Variants in CYP4Z1 observed in about 807,000 individuals in gnomAD.
The protein encoded by CYP4Z1 is cytochrome P450 family 4 subfamily Z member 1.
CYP4Z1 carries 41 observed loss-of-function variants against 54.2 expected under a neutral mutation model. That is an observed-to-expected ratio of 0.76 (90% confidence interval 0.59 to 0.98). The LOEUF (loss-of-function observed/expected upper bound fraction) is 0.98. CYP4Z1 is among the 50% of genes least tolerant of loss of function. The pLI, the probability that CYP4Z1 is intolerant of heterozygous loss-of-function variation, is 0.00. For missense variants in CYP4Z1, 513 were observed against 599.0 expected, an observed-to-expected ratio of 0.86 and a Z score of 1.50; for synonymous variants, 163 against 206.2, an observed-to-expected ratio of 0.79 and a Z score of 1.79.
intron 9 of CYP4Z1, among the ~76,000 whole-genome samples, chr1:47,109,228 A>G (rs1644776833): frequency 6.6e-6 from 1 of 152,248 alleles, no homozygotes; most frequent in Non-Finnish European, 1.5e-5. Flanking sequence ...AGAGAGAGAG[A>G]TTTTAATGAA....
At chr1:47,088,031 C>A (rs1339104500) in intron 6 of CYP4Z1, among the ~76,000 whole-genome samples, 2 of 152,158 alleles carry the variant, frequency 1.3e-5, no homozygotes, top group African/African-American at 2.4e-5. Flanking sequence ...AGCCTTGCAT[C>A]CCAGGGATGA....
upstream of CYP4Z1, among the ~76,000 whole-genome samples, chr1:47,065,938 G>A (rs752122205): frequency 6.6e-6 from 1 of 151,978 alleles, no homozygotes; most frequent in Non-Finnish European, 1.5e-5. Flanking sequence ...AGAGGAGATG[G>A]ATAAATTCCT....
chr1:47,076,690 A>T (rs1644524532), intron 2 of CYP4Z1, among the ~76,000 whole-genome samples: 1 of 150,822 alleles, frequency 6.6e-6, no homozygotes, highest in South Asian at 2.1e-4. Context: ...CTAAAAATAC[A>T]AAAAATTAGC....
chr1:47,097,699 T>A (rs191540351), intron 7 of CYP4Z1, among the ~76,000 whole-genome samples: 5 of 152,292 alleles, frequency 3.3e-5, no homozygotes, highest in African/African-American at 1.2e-4. Flanking sequence ...CATGCTTTTT[T>A]AGTTACTGTA....
intron 9 of CYP4Z1, among the ~76,000 whole-genome samples, chr1:47,107,717 T>A (rs891125975): frequency 5.9e-5 from 9 of 152,084 alleles, no homozygotes; most frequent in African/African-American, 2.2e-4. Flanking sequence ...CCATTCTAGA[T>A]CACCTAAGCC....
intron 2 of CYP4Z1, among the ~76,000 whole-genome samples, chr1:47,072,595 T>C (rs1162758861): frequency 1.6e-5 from 1 of 62,846 alleles, no homozygotes; most frequent in Admixed American, 1.8e-4. Flanking sequence ...ATTTTTGACA[T>C]GGGGGTATCA....
chr1:47,109,912 G>T (rs1246185046), intron 9 of CYP4Z1, among the ~76,000 whole-genome samples: 12 of 151,048 alleles, frequency 7.9e-5, no homozygotes, highest in Admixed American at 5.3e-4. Flanking sequence ...CAAAAGTTAT[G>T]AATTCTATTT....
rs538275987 is a variant in CYP4Z1 at position 47,089,240 on chromosome 1, G to GA, written c.772+4266dup. On this transcript the variant is annotated intron_variant, in intron 6 of 11. Coordinates refer to ENST00000334194, the MANE Select transcript of CYP4Z1 (RefSeq NM_178134.3). ...ATGTAATTACATTAAATACTTCCCT[G>GA]AAAATGCAAGGATCTTACACCATTT... Among the ~76,000 whole-genome samples the GA allele has an allele frequency of 1.5e-4, 23 of 152,168 alleles. 1 individual carries two copies. The South Asian group carries it at 4.6e-3, about 30-fold the overall frequency.
intron 6 of CYP4Z1, among the ~76,000 whole-genome samples, chr1:47,088,948 T>C (rs1007957534): frequency 1.3e-5 from 2 of 149,098 alleles, no homozygotes; most frequent in African/African-American, 5.1e-5. Context: ...ATGCAGCATT[T>C]ATTTAGATTT....
At chr1:47,079,080 T>G (rs1166894070) in intron 2 of CYP4Z1, among the ~76,000 whole-genome samples, 1 of 152,008 alleles carries the variant, frequency 6.6e-6, no homozygotes, top group Non-Finnish European at 1.5e-5. Flanking sequence ...CTGAGTTAGG[T>G]AAAACATAGG....
intron 7 of CYP4Z1, 99 bp from the exon 8 acceptor site, chr1:47,098,995 A>C: frequency 7.0e-7 from 1 of 1,418,858 alleles, no homozygotes; most frequent in Non-Finnish European, 9.8e-7. Flanking sequence ...TTAATTTTGA[A>C]TTTTACAACA....
intron 2 of CYP4Z1, among the ~76,000 whole-genome samples, chr1:47,076,844 C>CAAAAAAAAAAAAAAAAAAAAAA (rs59854360): frequency 8.5e-4 from 69 of 81,388 alleles, no homozygotes; most frequent in Non-Finnish European, 1.2e-3. Flanking sequence ...GACGCTGTCT[C>CAAAAAAAAAAAAAAAAAAAAAA]AAAAAAAAAA....
At chr1:47,099,784 G>C (rs1401319396) in intron 8 of CYP4Z1, among the ~76,000 whole-genome samples, 4 of 152,128 alleles carry the variant, frequency 2.6e-5, no homozygotes, top group African/African-American at 9.7e-5. Context: ...ATTTCATGGT[G>C]TTAATAAAAC....
At chr1:47,082,267 T>C in intron 3 of CYP4Z1, 67 bp from the exon 4 acceptor site, 1 of 1,540,478 alleles carries the variant, frequency 6.5e-7, no homozygotes, top group Non-Finnish European at 8.7e-7. Flanking sequence ...AATTGCTCAC[T>C]GCGTGCCTAG....
At chr1:47,060,767 C>T in the CYP4Z1 span, among the ~76,000 whole-genome samples, 2 of 152,168 alleles carry the variant, frequency 1.3e-5, no homozygotes, top group African/African-American at 2.4e-5. Flanking sequence ...CTCATTGCCA[C>T]ATGACACATA....
intron 9 of CYP4Z1, among the ~76,000 whole-genome samples, chr1:47,114,501 A>T (rs1569763597): frequency 6.6e-6 from 1 of 152,252 alleles, no homozygotes; most frequent in Non-Finnish European, 1.5e-5. Flanking sequence ...CATCAGAGTG[A>T]ACAGGCAACC....
chr1:47,101,943 A>G (rs1211830596), intron 8 of CYP4Z1, among the ~76,000 whole-genome samples: 2 of 152,150 alleles, frequency 1.3e-5, no homozygotes, highest in Non-Finnish European at 2.9e-5. Flanking sequence ...GGGTCCTCCA[A>G]TGTTGGATGC....
At chr1:47,104,093 G>C (rs1644739968) in intron 8 of CYP4Z1, among the ~76,000 whole-genome samples, 2 of 152,012 alleles carry the variant, frequency 1.3e-5, no homozygotes, top group Admixed American at 6.6e-5. Flanking sequence ...CCAATTTTTT[G>C]AATTTGCTTT....
chr1:47,064,197 C>T (rs909122687), upstream of CYP4Z1, among the ~76,000 whole-genome samples: 7 of 151,614 alleles, frequency 4.6e-5, no homozygotes, highest in Admixed American at 3.3e-4. Flanking sequence ...ATTCTCCTGC[C>T]TCAGCCTCCT....
Sources: allele counts gnomAD v4.1 joint callset (sites outside exome capture counted in the v4.1 genomes callset), GRCh38; gene constraint gnomAD v4.1.1; transcripts MANE v1.5; gene names NCBI Gene and HGNC (gene_info 2026-07-23, HGNC 2026-07-21).